ITGA5: variants seen among roughly 807,000 people sequenced by gnomAD.
The protein encoded by ITGA5 is integrin alpha-5.
Under a neutral mutation model 146.3 loss-of-function variants are expected in ITGA5, and 55 were observed. The ratio of observed to expected loss-of-function variants is 0.38; its 90% CI spans 0.30 to 0.47. ITGA5 has a LOEUF of 0.47. Ranked by LOEUF, ITGA5 falls within the 20% of genes least tolerant of loss-of-function variation. The pLI is 0.99. For missense variants in ITGA5, 1,131 were observed against 1,329.0 expected, an observed-to-expected ratio of 0.85 and a Z score of 2.32; for synonymous variants, 500 against 531.8, an observed-to-expected ratio of 0.94 and a Z score of 0.82.
At chr12:54,402,906 G>A in intron 19 of ITGA5, 77 bp downstream of exon 19, 1 of 1,195,400 alleles carries the variant, frequency 8.4e-7, no homozygotes, top group Non-Finnish European at 1.3e-6. Flanking sequence ...AGGCGACACA[G>A]CTAGTATGTC....
At chr12:54,418,851 C>G (rs1956042078) in intron 1 of ITGA5, 130 bp downstream of exon 1, 7 of 1,122,204 alleles carry the variant, frequency 6.2e-6, no homozygotes, top group South Asian at 1.6e-5. Context: ...CCAGGGCCCC[C>G]AACTGCAGCT....
Position 54,409,026 on chromosome 12 carries a change from G to A in ITGA5, c.584-72C>T. 3 of 1,501,052 alleles carry A rather than the reference G, an allele frequency of 2.0e-6. No individual in the cohort carries two copies. The highest frequency in any genetic ancestry group is 2.3e-5 in the East Asian group (1 of 44,274). The allele number at this position is 1,501,052 out of a possible 1,614,324, so 93.0% of individuals were successfully genotyped here. ...ATCCAGGAAAGAAGAGAGGGCATAG[G>A]GAAGGAGGTGGGAGAGAGAACCAGA... On this transcript the variant is annotated intron_variant, in intron 4 of 29. Transcript: ENST00000293379. This position sits in a 1 kb window ranked among gnomAD's most constrained non-coding sequence, Gnocchi z 4.7.
rs947178583 is a variant in ITGA5, at chr12:54,419,234, C to T, written c.-36G>A. The stretch of plus-strand genomic sequence containing the variant: ...CTTCCCTGTCCTGGGGCCACCGACC[C>T]GGAGCCGCTTCCTAAACCTCCCAGA... On this transcript the variant is annotated 5_prime_UTR_variant, in exon 1 of 30. Transcript: ENST00000293379. The T allele has an allele frequency of 4.5e-6, 7 of 1,546,490 alleles. No individual in the cohort carries two copies. Among genetic ancestry groups the T allele is most frequent in the African/African-American group, 2.7e-5 (2 of 72,860 alleles).
rs1288870764 is a variant in ITGA5 at position 54,401,834 on chromosome 12, T to A, written c.2248A>T (p.Thr750Ser). ...TTAGTGTCCCGGAGATGAGGGACTG[T>A]AAACCGAAGGCCACCCCACAGCTGG... ...GASLWGGLRF[T>S]VPHLRDTKKT... Residue 750 changes from threonine (T) to serine (S), a missense_variant, in exon 22 of 30, where the codon ACA (threonine) becomes TCA (serine). By Grantham distance (58) the Thr-to-Ser change is moderately conservative. Transcript: ENST00000293379. This position sits in a 1 kb window ranked among gnomAD's most constrained non-coding sequence, Gnocchi z 5.0. 1.2e-6 allele frequency: 2 copies of A among 1,614,150 alleles called. No homozygotes were observed. Among genetic ancestry groups the A allele is most frequent in the East Asian group, 4.5e-5 (2 of 44,882 alleles).
intron 8 of ITGA5, 29 bp downstream of exon 8, chr12:54,407,803 C>T (rs1955884898): frequency 1.9e-6 from 3 of 1,610,012 alleles, no homozygotes; most frequent in Admixed American, 3.3e-5. Context: ...CATCCCCCTC[C>T]CTTGGCCCCA....
Position 54,407,683 on chromosome 12 carries a change from G to A in ITGA5, c.872C>T (p.Ala291Val). The A allele has an allele frequency of 6.2e-7, 1 of 1,613,740 alleles. No individual in the cohort carries two copies. The highest frequency in any genetic ancestry group is 8.5e-7 in the Non-Finnish European group (1 of 1,179,644). Residue 291 changes from alanine (A) to valine (V), a missense_variant, in exon 9 of 30, where the codon GCT (alanine) becomes GTT (valine). Coordinates refer to ENST00000293379, the MANE Select transcript of ITGA5 (RefSeq NM_002205.5). ...FSGDDTEDFVAGVPKGNLTYG... is the reference protein window; with the variant it reads ...FSGDDTEDFVVGVPKGNLTYG... ...AGTGAGGTTCCCTTTGGGCACACCA[G>A]CAACAAAGTCTGCAAAGAGAAGAGA...
chr12:54,403,438 T>A lies in ITGA5; in HGVS notation c.1777-114A>T. 7.4e-7 allele frequency: 1 copy of A among 1,360,348 alleles called. No homozygotes were observed. The highest frequency in any genetic ancestry group is 1.0e-6 in the Non-Finnish European group (1 of 1,003,614). 84.3% of individuals were successfully genotyped at this position (1,360,348 alleles called of 1,614,324 possible). The stretch of plus-strand genomic sequence containing the variant: ...GCTTAGGGCCCAATTCCGACCATCC[T>A]CATTGTTTCAGAGGCCCTGGCAGCC... On this transcript the variant is annotated intron_variant, in intron 17 of 29. Coordinates refer to ENST00000293379, the MANE Select transcript of ITGA5 (RefSeq NM_002205.5). The surrounding 1 kb of genome is among the most constrained non-coding windows in gnomAD (Gnocchi z 4.9).
Position 54,409,670 on chromosome 12 carries a change from C to A in ITGA5, c.350-73G>T. 1.1e-6 allele frequency: 1 copy of A among 936,056 alleles called. No homozygotes were observed. Among genetic ancestry groups the A allele is most frequent in the Non-Finnish European group, 1.6e-6 (1 of 612,340 alleles). 58.0% of individuals were successfully genotyped at this position (936,056 alleles called of 1,614,324 possible). A position where few individuals can be genotyped will look rare whatever the true frequency, so the allele number is the denominator to read the frequency against. ...GCTCTAGGGCAGCCCCTACCCTCAG[C>A]CTGGGGATACCCAACAAACGCTTCC... On this transcript the variant is annotated intron_variant, in intron 2 of 29. Transcript: ENST00000293379. This position sits in a 1 kb window ranked among gnomAD's most constrained non-coding sequence, Gnocchi z 4.7.
In ITGA5 at chr12:54,403,238, G is replaced by A. The variant is rs138831238; in HGVS notation, c.1863C>T (p.His621=). The change falls in exon 18 of 30, where the codon CAC becomes CAT. Residue 621 remains histidine, a synonymous_variant. Coordinates refer to ENST00000293379, the MANE Select transcript of ITGA5 (RefSeq NM_002205.5). The surrounding 1 kb of genome is among the most constrained non-coding windows in gnomAD (Gnocchi z 4.9). ...SLDPQAPVDS[H]GLRPALHYQS... Reference sequence around the variant, plus strand: ...GATAATGTAGGGCTGGCCTGAGGCCGTGGCTGTCCACTGGGGCTTGGGGGT... The same window carrying A: ...GATAATGTAGGGCTGGCCTGAGGCCATGGCTGTCCACTGGGGCTTGGGGGT... 1.5e-3 allele frequency: 2,364 copies of A among 1,569,162 alleles called. 8 individuals carry two copies. The highest frequency in any genetic ancestry group is 2.7e-3 in the South Asian group (225 of 84,324).
intron 29 of ITGA5, 159 bp downstream of exon 29, chr12:54,397,206 G>A: frequency 1.5e-6 from 1 of 646,576 alleles, no homozygotes; most frequent in South Asian, 2.2e-5. Context: ...TGAAGGGGGG[G>A]ATCTTATAGG....
In ITGA5 at chr12:54,399,919, T is replaced by C; in HGVS notation, c.2672A>G (p.Gln891Arg). 6.2e-7 allele frequency: 1 copy of C among 1,614,168 alleles called. No homozygotes were observed. Among genetic ancestry groups the C allele is most frequent in the East Asian group, 2.2e-5 (1 of 44,892 alleles). Reference protein sequence around the residue: ...ELDPEGSLHHQQKREAPSRSS... With the variant: ...ELDPEGSLHHRQKREAPSRSS... ...GCGGCTTGGAGCTTCCCGTTTTTGC[T>C]GGTGGTGCAGGGAACCCTCGGGATC... Residue 891 changes from glutamine to arginine, a missense_variant, in exon 26 of 30, where the codon CAG (glutamine) becomes CGG (arginine). Coordinates refer to ENST00000293379, the MANE Select transcript of ITGA5 (RefSeq NM_002205.5).
chr12:54,404,117 C>T, intron 15 of ITGA5, 28 bp downstream of exon 15: 1 of 1,571,082 alleles, frequency 6.4e-7, no homozygotes, highest in South Asian at 1.2e-5. Context: ...AGGCTCAGGT[C>T]TCTGCAATTT....
rs779732123 is a variant in ITGA5, at chr12:54,409,690, G to A, written c.350-93C>T. ...CTCAGCCTGGGGATACCCAACAAAC[G>A]CTTCCAAGCCCTGAGACTCCATGAC... On this transcript the variant is annotated intron_variant, in intron 2 of 29. Transcript: ENST00000293379. The surrounding 1 kb of genome is among the most constrained non-coding windows in gnomAD (Gnocchi z 4.7). The A allele has an allele frequency of 1.3e-4, 94 of 739,924 alleles. No homozygotes were observed. The highest frequency in any genetic ancestry group is 3.6e-4 in the Middle Eastern group (1 of 2,788). The allele number at this position is 739,924 out of a possible 1,614,324, so 45.8% of individuals were successfully genotyped here.
Position 54,409,434 on chromosome 12 carries a change from A to G in ITGA5, c.462+51T>C, listed in dbSNP as rs1258159743. 6.2e-7 allele frequency: 1 copy of G among 1,610,280 alleles called. No homozygotes were observed. On this transcript the variant is annotated intron_variant, in intron 3 of 29. Coordinates refer to ENST00000293379, the MANE Select transcript of ITGA5 (RefSeq NM_002205.5). This position sits in a 1 kb window ranked among gnomAD's most constrained non-coding sequence, Gnocchi z 4.7. ...CTCCCTCCAGGCCCGGCCTTACCCA[A>G]CCACTGCCCATCCCCTGGCCACCAC...
At position 54,416,906 on chromosome 12, in the gene ITGA5, C is replaced by T. The variant is rs909697967; in HGVS notation, c.218+2075G>A. On this transcript the variant is annotated intron_variant, in intron 1 of 29. Coordinates refer to ENST00000293379, the MANE Select transcript of ITGA5 (RefSeq NM_002205.5). This position sits in a 1 kb window ranked among gnomAD's most constrained non-coding sequence, Gnocchi z 4.1. ...ACCACAAGAGGTGATGCAGGAAGAA[C>T]AAGAACACTGAGGCTCTCCCTCTTT... Among the ~76,000 whole-genome samples, 1 of 152,220 alleles carries T rather than the reference C, an allele frequency of 6.6e-6. No homozygotes were observed.
At position 54,403,302 on chromosome 12, in the gene ITGA5, T is replaced by C. The variant is rs778171169; in HGVS notation, c.1799A>G (p.Lys600Arg). The change falls in exon 18 of 30, where the codon AAA becomes AGA. Residue 600 changes from lysine (K) to arginine (R), a missense_variant. Lys to Arg is a conservative substitution (Grantham distance 26, BLOSUM62 2). Transcript: ENST00000293379. The surrounding 1 kb of genome is among the most constrained non-coding windows in gnomAD (Gnocchi z 4.9). ...GAGAGCGATGTGAATCGGCGAGAGT[T>C]TGTCTCGAAATTCTGACTCGTTCTG... ...YLRNESEFRD[K>R]LSPIHIALNF... 1 of 1,535,920 alleles carries C rather than the reference T, an allele frequency of 6.5e-7. No homozygotes were observed. Among genetic ancestry groups the C allele is most frequent in the South Asian group, 1.3e-5 (1 of 77,746 alleles).
chr12:54,414,629 G>T (rs1470605573), intron 1 of ITGA5, among the ~76,000 whole-genome samples: 2 of 138,874 alleles, frequency 1.4e-5, no homozygotes, highest in African/African-American at 5.7e-5. Context: ...GGCAGATCAC[G>T]AGGTCAGGAG....
chr12:54,404,636 A>C (rs1955836830), intron 13 of ITGA5, 67 bp downstream of exon 13: 1 of 1,516,776 alleles, frequency 6.6e-7, no homozygotes, highest in Non-Finnish European at 9.2e-7. Context: ...GGAAAGGTGC[A>C]GAAGAGAGAG....
chr12:54,406,214 C>A (rs536805685), intron 9 of ITGA5: 1 of 492,974 alleles, frequency 2.0e-6, no homozygotes, highest in South Asian at 2.6e-5. Flanking sequence ...TCAATAGGGG[C>A]AGGAACTTGA....
Sources: allele counts gnomAD v4.1 joint callset (sites outside exome capture counted in the v4.1 genomes callset), GRCh38; gene constraint gnomAD v4.1.1; non-coding constraint Gnocchi (gnomAD v3.1); transcripts MANE v1.5; gene names NCBI Gene and HGNC (gene_info 2026-07-23, HGNC 2026-07-21).